Variants in SENP1 observed in about 807,000 individuals in gnomAD.
SENP1 encodes SUMO specific peptidase 1, also known as sentrin-specific protease 1.
SENP1 carries 21 observed loss-of-function variants against 93.0 expected under a neutral mutation model. That is an observed-to-expected ratio of 0.23 (90% CI 0.16 to 0.33). SENP1 has a LOEUF of 0.33. Ranked by LOEUF, SENP1 falls within the 10% of genes least tolerant of loss-of-function variation. The pLI, the probability that SENP1 is intolerant of heterozygous loss-of-function variation, is 1.00. For missense variants in SENP1, 591 were observed against 758.7 expected, an observed-to-expected ratio of 0.78 and a Z score of 2.60; for synonymous variants, 256 against 259.6, an observed-to-expected ratio of 0.99 and a Z score of 0.13.
At position 48,048,970 on chromosome 12, in the gene SENP1, G is replaced by T. The variant is rs568433703; in HGVS notation, c.1570C>A (p.Leu524Ile). Residue 524 changes from leucine (L) to isoleucine (I), a missense_variant, in exon 14 of 18, where the codon CTT (leucine) becomes ATT (isoleucine). Transcript: ENST00000549518. Reference protein sequence around the residue: ...KKVDVFSVDILLVPIHLGVHW... With the variant: ...KKVDVFSVDIILVPIHLGVHW... ...ACTCCCAGGTGAATGGGCACCAAAA[G>T]AATGTCAACAGAAAATACATCTACT... 9.5e-5 allele frequency: 154 copies of T among 1,613,580 alleles called. No individual in the cohort carries two copies. The highest frequency in any genetic ancestry group is 4.3e-4 in the Admixed American group (26 of 59,964).
intron 6 of SENP1, among the ~76,000 whole-genome samples, chr12:48,078,656 G>A (rs1309345566): frequency 6.6e-6 from 1 of 151,760 alleles, no homozygotes; most frequent in Admixed American, 6.6e-5. Flanking sequence ...GAGTAGCTGG[G>A]ATTACAGGCA....
At chr12:48,069,152 CAAAAAAAAAAAAAAAA>C (rs10564674) in intron 9 of SENP1, among the ~76,000 whole-genome samples, 16 of 76,338 alleles carry the variant, frequency 2.1e-4, no homozygotes, top group African/African-American at 9.0e-4. Context: ...GACTCTGTCA[CAAAAAAAAAAAAAAAA>C]AAAAAAAAAA....
chr12:48,085,298 C>G (rs1224025213), intron 5 of SENP1: 2 of 1,509,264 alleles, frequency 1.3e-6, no homozygotes, highest in Non-Finnish European at 1.8e-6. Flanking sequence ...ATGCCCTGGA[C>G]ACCCACCAGC....
chr12:48,103,854 C>G (rs1351193884), intron 1 of SENP1, among the ~76,000 whole-genome samples: 1 of 152,014 alleles, frequency 6.6e-6, no homozygotes, highest in Non-Finnish European at 1.5e-5. Flanking sequence ...CACTTATAAC[C>G]TTACATATAT....
At chr12:48,089,770 T>G (rs1015002857) in intron 4 of SENP1, among the ~76,000 whole-genome samples, 9 of 152,224 alleles carry the variant, frequency 5.9e-5, no homozygotes, top group Non-Finnish European at 1.2e-4. Flanking sequence ...AGACATTAAG[T>G]TATGGAACTC....
At chr12:48,097,447 T>C (rs1042459107) in intron 3 of SENP1, among the ~76,000 whole-genome samples, 4 of 152,198 alleles carry the variant, frequency 2.6e-5, no homozygotes, top group Non-Finnish European at 4.4e-5. Context: ...GGCTTTCCTA[T>C]TGAAAAAGAC....
intron 13 of SENP1, among the ~76,000 whole-genome samples, chr12:48,049,805 C>T (rs1941654804): frequency 6.6e-6 from 1 of 152,166 alleles, no homozygotes. Flanking sequence ...TATATAAAGG[C>T]ACACATGGAA....
At chr12:48,046,526 A>G (rs911152182) in intron 16 of SENP1, 75 bp from the exon 17 acceptor site, 3 of 1,048,864 alleles carry the variant, frequency 2.9e-6, no homozygotes, top group South Asian at 1.3e-5. Flanking sequence ...AAGAACCAAA[A>G]GATATAAATT....
At chr12:48,059,020 T>C (rs1013376581) in intron 13 of SENP1, among the ~76,000 whole-genome samples, 4 of 152,326 alleles carry the variant, frequency 2.6e-5, no homozygotes, top group African/African-American at 9.6e-5. Flanking sequence ...TTAATGTGCC[T>C]TTTTCCTTCT....
intron 9 of SENP1, among the ~76,000 whole-genome samples, chr12:48,068,287 A>C (rs1365209188): frequency 6.6e-6 from 1 of 152,210 alleles, no homozygotes; most frequent in East Asian, 1.9e-4. Flanking sequence ...GCTTTTCCAA[A>C]GAGATGCATT....
chr12:48,045,267 A>G lies in SENP1; in HGVS notation c.*55T>C. ...AGCTGTTTCCAAGGTCTCTGGCTGT[A>G]GACAACAAAGAGCTGGTCCCCCACA... is the stretch of plus-strand genomic sequence containing the variant. On this transcript the variant is annotated 3_prime_UTR_variant, in exon 18 of 18. Coordinates refer to ENST00000549518, the MANE Select transcript of SENP1 (RefSeq NM_001267594.2). 5 of 1,465,304 alleles carry G rather than the reference A, an allele frequency of 3.4e-6. No homozygotes were observed. Among genetic ancestry groups the G allele is most frequent in the Non-Finnish European group, 4.8e-6 (5 of 1,046,734 alleles). 90.8% of individuals were successfully genotyped at this position (1,465,304 alleles called of 1,614,324 possible).
At chr12:48,046,333 TC>T in intron 17 of SENP1, 22 bp downstream of exon 17, 1 of 1,523,834 alleles carries the variant, frequency 6.6e-7, no homozygotes, top group Non-Finnish European at 9.1e-7. Context: ...ATCCTAGAGC[TC>T]CCTATGGAAG....
chr12:48,061,149 T>G (rs1427286651), intron 13 of SENP1, among the ~76,000 whole-genome samples: 1 of 152,222 alleles, frequency 6.6e-6, no homozygotes, highest in Non-Finnish European at 1.5e-5. Context: ...CTGAATCTGA[T>G]TCCTTTTACT....
At chr12:48,094,310 G>A (rs1162096549) in intron 4 of SENP1, among the ~76,000 whole-genome samples, 1 of 152,104 alleles carries the variant, frequency 6.6e-6, no homozygotes, top group South Asian at 2.1e-4. Flanking sequence ...AGCCTAGGAG[G>A]TCAAGGTTGC....
chr12:48,102,778 T>C (rs1946039963), intron 1 of SENP1, among the ~76,000 whole-genome samples: 1 of 132,706 alleles, frequency 7.5e-6, no homozygotes, highest in Non-Finnish European at 1.5e-5. Flanking sequence ...GCCACTGCAC[T>C]CCAGCCTGGG....
At chr12:48,063,959 TTTACTG>T (rs768376740) in intron 12 of SENP1, 118 bp from the exon 13 acceptor site, 2 of 1,001,986 alleles carry the variant, frequency 2.0e-6, no homozygotes, top group Non-Finnish European at 2.8e-6. Flanking sequence ...TGTTTATAAA[TTTACTG>T]TTAATCAGTT....
At chr12:48,065,823 C>T (rs1443125913) in intron 10 of SENP1, 143 bp from the exon 11 acceptor site, 1 of 591,586 alleles carries the variant, frequency 1.7e-6, no homozygotes, top group Non-Finnish European at 3.0e-6. Flanking sequence ...TATTTTAAGA[C>T]ATAGAGTGAA....
chr12:48,074,934 C>T, intron 6 of SENP1, 141 bp from the exon 7 acceptor site: 2 of 624,990 alleles, frequency 3.2e-6, no homozygotes, highest in South Asian at 2.0e-5. Context: ...GGGCCTAACA[C>T]AGTGGCTCAT....
At chr12:48,064,422 G>A (rs1943157232) in intron 12 of SENP1, among the ~76,000 whole-genome samples, 1 of 151,790 alleles carries the variant, frequency 6.6e-6, no homozygotes, top group Non-Finnish European at 1.5e-5. Context: ...TTCTATAATG[G>A]GTTTTATTAC....
Sources: allele counts gnomAD v4.1 joint callset (sites outside exome capture counted in the v4.1 genomes callset), GRCh38; gene constraint gnomAD v4.1.1; transcripts MANE v1.5; gene names NCBI Gene and HGNC (gene_info 2026-07-23, HGNC 2026-07-21).